Variants in IL2RB observed in about 807,000 individuals in gnomAD.
The protein encoded by IL2RB is interleukin-2 receptor subunit beta.
IL2RB carries 17 observed loss-of-function variants against 44.2 expected under a neutral mutation model. The ratio of observed to expected loss-of-function variants is 0.38; its 90% CI spans 0.26 to 0.58. The LOEUF (loss-of-function observed/expected upper bound fraction) is 0.58, where lower values mean the gene tolerates loss of function less well. Ranked by LOEUF, IL2RB falls within the 20% of genes least tolerant of loss-of-function variation. The probability of loss-of-function intolerance (pLI) is 0.63; values close to 1 mark genes in which losing one functional copy is unlikely to be tolerated. For missense variants in IL2RB, 624 were observed against 685.5 expected (o/e 0.91, Z 1.00); for synonymous variants, 286 against 297.9 (o/e 0.96, Z 0.41).
chr22:37,130,505 C>G (rs1261305067), intron 9 of IL2RB, among the ~76,000 whole-genome samples: 1 of 152,228 alleles, frequency 6.6e-6, no homozygotes, highest in Non-Finnish European at 1.5e-5. Flanking sequence ...GGGTAGGTCT[C>G]TCACCCAGAT....
chr22:37,163,591 C>G (rs1049213925), intron 1 of IL2RB, among the ~76,000 whole-genome samples: 1 of 152,218 alleles, frequency 6.6e-6, no homozygotes, highest in African/African-American at 2.4e-5. Context: ...AACTGGGCAC[C>G]TTGCCTCCCT....
intron 9 of IL2RB, among the ~76,000 whole-genome samples, chr22:37,131,584 T>C (rs1407176132): frequency 6.6e-6 from 1 of 152,158 alleles, no homozygotes; most frequent in Non-Finnish European, 1.5e-5. Context: ...GAAGACTTGT[T>C]AGTATCCACG....
chr22:37,159,068 G>C (rs973545648), intron 1 of IL2RB, among the ~76,000 whole-genome samples: 1 of 152,238 alleles, frequency 6.6e-6, no homozygotes, highest in African/African-American at 2.4e-5. Context: ...GAAACAGGTA[G>C]AGTGAAAACA....
intron 1 of IL2RB, among the ~76,000 whole-genome samples, chr22:37,163,374 G>A (rs1922949190): frequency 6.6e-6 from 1 of 152,162 alleles, no homozygotes; most frequent in Middle Eastern, 3.2e-3. Context: ...GGAAAGGGTG[G>A]GGTACTTTGA....
At chr22:37,171,769 A>C (rs1923294050) in intron 1 of IL2RB, among the ~76,000 whole-genome samples, 1 of 152,224 alleles carries the variant, frequency 6.6e-6, no homozygotes, top group South Asian at 2.1e-4. Flanking sequence ...GAAAGTATTT[A>C]TGGGATTTAT....
chr22:37,158,552 C>T (rs1178024504), intron 1 of IL2RB, among the ~76,000 whole-genome samples: 2 of 151,068 alleles, frequency 1.3e-5, no homozygotes, highest in Admixed American at 6.6e-5. Flanking sequence ...AGCAAGACTC[C>T]GTCTAAAAAA....
intron 1 of IL2RB, among the ~76,000 whole-genome samples, chr22:37,145,599 G>A (rs1184895955): frequency 6.6e-6 from 1 of 151,972 alleles, no homozygotes; most frequent in Non-Finnish European, 1.5e-5. Context: ...TGAGCACATG[G>A]TCACTTCGGG....
intron 4 of IL2RB, among the ~76,000 whole-genome samples, chr22:37,140,627 C>T (rs1921917320): frequency 6.6e-6 from 1 of 152,146 alleles, no homozygotes; most frequent in South Asian, 2.1e-4. Flanking sequence ...TTATCAGCTA[C>T]ACTGTGTGAC....
intron 1 of IL2RB, among the ~76,000 whole-genome samples, chr22:37,166,127 C>G (rs1923071325): frequency 1.3e-5 from 2 of 152,182 alleles, no homozygotes; most frequent in Admixed American, 1.3e-4. Context: ...CTCAAGGTCT[C>G]TCTGTTGCAC....
At chr22:37,164,325 G>A (rs568596875) in intron 1 of IL2RB, among the ~76,000 whole-genome samples, 6 of 152,220 alleles carry the variant, frequency 3.9e-5, no homozygotes, top group Middle Eastern at 3.4e-3. Flanking sequence ...GGGGAGCAGA[G>A]TGAGGAGGGG....
chr22:37,173,829 G>A (rs565234415), intron 1 of IL2RB, among the ~76,000 whole-genome samples: 3 of 152,302 alleles, frequency 2.0e-5, no homozygotes, highest in South Asian at 2.1e-4. Flanking sequence ...TTGAAGCCTC[G>A]TGAGCAGAGC....
intron 1 of IL2RB, among the ~76,000 whole-genome samples, chr22:37,172,775 T>C (rs28694657): frequency 0.014 from 2,173 of 152,326 alleles, 65 homozygotes; most frequent in African/African-American, 0.049. Context: ...TCTCTGAACC[T>C]GCGATCGGGA....
intron 6 of IL2RB, 73 bp from the exon 7 acceptor site, chr22:37,136,466 A>ACT (rs748761091): frequency 2.3e-6 from 3 of 1,329,910 alleles, no homozygotes; most frequent in African/African-American, 1.6e-5. Flanking sequence ...GCATCACAGA[A>ACT]CCCCCCCCCA....
intron 1 of IL2RB, among the ~76,000 whole-genome samples, chr22:37,171,335 C>G (rs929147787): frequency 2.6e-5 from 4 of 152,132 alleles, no homozygotes; most frequent in African/African-American, 9.7e-5. Context: ...TGTGCCAAAC[C>G]CTTTTTCTAG....
intron 1 of IL2RB, among the ~76,000 whole-genome samples, chr22:37,174,139 G>A (rs1430840471): frequency 1.3e-5 from 2 of 152,168 alleles, no homozygotes; most frequent in Non-Finnish European, 2.9e-5. Flanking sequence ...ACCAGCTGTG[G>A]CCAATGAGAA....
chr22:37,170,428 C>G (rs913457121), intron 1 of IL2RB, among the ~76,000 whole-genome samples: 5 of 151,878 alleles, frequency 3.3e-5, no homozygotes, highest in South Asian at 2.1e-4. Flanking sequence ...AGGCCAGCAG[C>G]GGGGGCAGAC....
chr22:37,144,441 C>T (rs1922129091), intron 1 of IL2RB, among the ~76,000 whole-genome samples: 2 of 152,194 alleles, frequency 1.3e-5, no homozygotes, highest in South Asian at 4.1e-4. Context: ...TTTGACTAGA[C>T]TACATAAAGA....
Position 37,137,854 on chromosome 22 carries a change from C to T in IL2RB, c.389-119G>A, listed in dbSNP as rs1224252804. ...CCTCCCCTACCCCCCGACCCAAAGC[C>T]CCAGGACCCGCTCCCTCACTGCCTC... On this transcript the variant is annotated intron_variant, in intron 5 of 9. Coordinates refer to ENST00000216223, the MANE Select transcript of IL2RB (RefSeq NM_000878.5). The T allele has an allele frequency of 2.5e-5, 21 of 855,562 alleles. No homozygotes were observed. In the South Asian group the frequency reaches 3.1e-4, roughly 13 times the overall value. The allele number at this position is 855,562 out of a possible 1,614,324, so 53.0% of individuals were successfully genotyped here. A position where few individuals can be genotyped will look rare whatever the true frequency, so the allele number is the denominator to read the frequency against.
At chr22:37,152,038 C>T (rs1386764380), upstream of IL2RB, among the ~76,000 whole-genome samples, 1 of 152,136 alleles carries the variant, frequency 6.6e-6, no homozygotes, top group African/African-American at 2.4e-5. Flanking sequence ...CTTAGGATGG[C>T]TTTGGCTACT....
Sources: gnomAD v4.1 joint callset for allele counts (sites outside exome capture counted in the v4.1 genomes callset) on GRCh38, gnomAD v4.1.1 for gene constraint, MANE v1.5 for transcripts, NCBI Gene and HGNC (gene_info 2026-07-23, HGNC 2026-07-21) for gene names.